The following BHMT variants were observed in gnomAD, a reference collection of about 807,000 sequenced individuals.
The protein encoded by BHMT is betaine--homocysteine S-methyltransferase, also known as betaine--homocysteine S-methyltransferase 1.
Under a neutral mutation model 49.5 loss-of-function variants are expected in BHMT, and 38 were observed. The observed-to-expected ratio is 0.77, with a 90% CI of 0.59 to 1.01. The LOEUF (loss-of-function observed/expected upper bound fraction) is 1.01, where lower values mean the gene tolerates loss of function less well. BHMT is among the 50% of genes least tolerant of loss of function. The pLI, the probability that BHMT is intolerant of heterozygous loss-of-function variation, is 0.00. For synonymous variants in BHMT, 166 were observed against 176.3 expected (o/e 0.94, Z 0.46); for missense variants, 426 against 495.7 (o/e 0.86, Z 1.34).
chr5:79,118,634 T>C (rs1279817924), intron 2 of BHMT, among the ~76,000 whole-genome samples: 1 of 152,214 alleles, frequency 6.6e-6, no homozygotes, highest in Non-Finnish European at 1.5e-5. Context: ...AAACTATATA[T>C]TTCCCTGATT....
intron 5 of BHMT, among the ~76,000 whole-genome samples, chr5:79,121,595 A>G (rs1470878211): frequency 6.6e-6 from 1 of 152,096 alleles, no homozygotes; most frequent in Non-Finnish European, 1.5e-5. Context: ...CGGGTGGATC[A>G]TGAGGTCAGG....
intron 3 of BHMT, 81 bp from the exon 4 acceptor site, chr5:79,120,269 C>T: frequency 7.7e-7 from 1 of 1,295,474 alleles, no homozygotes; most frequent in Non-Finnish European, 1.0e-6. Context: ...AAATATACAA[C>T]TAAGATGTGA....
intron 1 of BHMT, among the ~76,000 whole-genome samples, chr5:79,114,473 TAAG>T (rs1756353968): frequency 6.6e-6 from 1 of 152,194 alleles, no homozygotes; most frequent in African/African-American, 2.4e-5. Flanking sequence ...AGGGAGGTTC[TAAG>T]AAGGTGGCAA....
intron 4 of BHMT, 67 bp from the exon 5 acceptor site, chr5:79,121,149 TCA>T: frequency 7.3e-7 from 1 of 1,367,562 alleles, no homozygotes; most frequent in Non-Finnish European, 1.0e-6. Context: ...AAACTCCGTC[TCA>T]AAAAAAAAAA....
intron 1 of BHMT, among the ~76,000 whole-genome samples, chr5:79,114,900 C>T (rs981527402): frequency 6.6e-6 from 1 of 152,068 alleles, no homozygotes; most frequent in Non-Finnish European, 1.5e-5. Context: ...TTCACAAAAC[C>T]CTTTCAAAAT....
rs1178950418 is a variant in BHMT at position 79,121,793 on chromosome 5, C to T, written c.625+428C>T. 1.3e-4 allele frequency among the ~76,000 whole-genome samples: 16 copies of T among 126,694 alleles called. 3 individuals carry two copies. Among genetic ancestry groups the T allele is most frequent in the African/African-American group, 4.8e-4 (16 of 33,396 alleles). The allele number at this position is 126,694 out of a possible 152,430, so 83.1% of individuals were successfully genotyped here. On this transcript the variant is annotated intron_variant, in intron 5 of 7. Transcript: ENST00000274353. The stretch of plus-strand genomic sequence containing the variant: ...TTGCGCCACTGCACTCCAGCCTGGG[C>T]GAAAGAGCGAGATTCCGTCTCAATA...
At chr5:79,123,578 T>C (rs1242975981) in intron 5 of BHMT, among the ~76,000 whole-genome samples, 1 of 151,926 alleles carries the variant, frequency 6.6e-6, no homozygotes, top group Non-Finnish European at 1.5e-5. Context: ...TGAGACAGAG[T>C]TTTTGCTCTG....
chr5:79,117,439 C>A (rs559779147), intron 2 of BHMT, among the ~76,000 whole-genome samples: 1 of 152,234 alleles, frequency 6.6e-6, no homozygotes, highest in African/African-American at 2.4e-5. Flanking sequence ...TTAATTAAAA[C>A]AAGTTTGAAG....
intron 7 of BHMT, among the ~76,000 whole-genome samples, chr5:79,129,766 G>A (rs930924662): frequency 6.6e-6 from 1 of 152,132 alleles, no homozygotes; most frequent in Non-Finnish European, 1.5e-5. Flanking sequence ...GAATAACCAA[G>A]GTGAACTCAG....
chr5:79,113,067 A>C (rs1756332202), intron 1 of BHMT, among the ~76,000 whole-genome samples: 1 of 152,210 alleles, frequency 6.6e-6, no homozygotes, highest in Admixed American at 6.5e-5. Context: ...AGGTGTGCCC[A>C]GTTTCTAAAG....
In BHMT at chr5:79,130,987, C is replaced by G. The variant is rs1430910361; in HGVS notation, c.1092C>G (p.Asn364Lys). 5 of 1,613,868 alleles carry G rather than the reference C, an allele frequency of 3.1e-6. No homozygotes were observed. The highest frequency in any genetic ancestry group is 3.3e-4 in the Middle Eastern group (2 of 6,082). The change falls in exon 8 of 8, where the codon AAC becomes AAG. Residue 364 changes from asparagine to lysine, a missense_variant. This residue lies in a region of BHMT where 73 missense variants were observed against 68.3 expected (regional missense o/e 1.07). Coordinates refer to ENST00000274353, the MANE Select transcript of BHMT (RefSeq NM_001713.3). Reference protein sequence around the residue: ...NLRIASGRPYNPSMSKPDGWG... With the variant: ...NLRIASGRPYKPSMSKPDGWG... The stretch of plus-strand genomic sequence containing the variant: ...GGATAGCCTCAGGCCGGCCATACAA[C>G]CCTTCAATGTCAAAGCCAGATGGCT...
chr5:79,118,593 A>G (rs1324195746), intron 2 of BHMT, among the ~76,000 whole-genome samples: 3 of 152,216 alleles, frequency 2.0e-5, no homozygotes, highest in African/African-American at 4.8e-5. Flanking sequence ...TTTTGAAAAC[A>G]CTGTATTAAT....
chr5:79,116,017 A>G, intron 2 of BHMT, 118 bp downstream of exon 2: 1 of 1,303,024 alleles, frequency 7.7e-7, no homozygotes, highest in Admixed American at 3.3e-5. Flanking sequence ...CAGGAGTTCA[A>G]GACCAGCCTG....
Position 79,113,089 on chromosome 5 carries a change from C to T in BHMT, c.33+1171C>T, listed in dbSNP as rs546334759. 7.9e-5 allele frequency among the ~76,000 whole-genome samples: 12 copies of T among 152,176 alleles called. No homozygotes were observed. The South Asian group carries it at 2.1e-3, about 26-fold the overall frequency. On this transcript the variant is annotated intron_variant, in intron 1 of 7. Transcript: ENST00000274353. ...CCCAGTTTCTAAAGGGATGGCCTCCCAAATCAAAAAGACCTCTACACAAGG... is the reference window on the plus strand; with the variant it reads ...CCCAGTTTCTAAAGGGATGGCCTCCTAAATCAAAAAGACCTCTACACAAGG...
chr5:79,115,328 A>C (rs2112722492), intron 1 of BHMT, among the ~76,000 whole-genome samples: 1 of 151,872 alleles, frequency 6.6e-6, no homozygotes, highest in African/African-American at 2.4e-5. Flanking sequence ...ATAGCATTCT[A>C]TGCCATTTCA....
intron 4 of BHMT, 120 bp from the exon 5 acceptor site, chr5:79,121,098 C>T (rs1756461671): frequency 1.6e-6 from 2 of 1,250,084 alleles, no homozygotes; most frequent in Non-Finnish European, 2.2e-6. Context: ...TTGCAGTGAG[C>T]CGAAATCGCA....
intron 2 of BHMT, among the ~76,000 whole-genome samples, chr5:79,118,328 G>T (rs993127931): frequency 6.6e-6 from 1 of 152,116 alleles, no homozygotes; most frequent in African/African-American, 2.4e-5. Flanking sequence ...ATTACCAGGC[G>T]TGGTGGCAGG....
At chr5:79,125,477 A>G (rs1004607942) in intron 5 of BHMT, among the ~76,000 whole-genome samples, 23 of 150,986 alleles carry the variant, frequency 1.5e-4, no homozygotes, top group African/African-American at 3.2e-4. Flanking sequence ...AAAAAAAAAA[A>G]AGAGATGGAC....
chr5:79,119,207 A>C, intron 2 of BHMT, 52 bp from the exon 3 acceptor site: 2 of 1,368,414 alleles, frequency 1.5e-6, no homozygotes, highest in Non-Finnish European at 1.0e-6. Flanking sequence ...CCATTTGAAA[A>C]TATCGTGTGT....
Sources: allele counts gnomAD v4.1 joint callset (sites outside exome capture counted in the v4.1 genomes callset), GRCh38; gene constraint gnomAD v4.1.1; regional missense constraint gnomAD v4.1.1; transcripts MANE v1.5; gene names NCBI Gene and HGNC (gene_info 2026-07-23, HGNC 2026-07-21).